Variants in MYMK observed in about 807,000 individuals in gnomAD.
MYMK encodes the protein protein myomaker.
In MYMK, 16 loss-of-function variants were observed where a neutral mutation model predicts 22.4. That is an observed-to-expected ratio of 0.72 (90% confidence interval 0.48 to 1.09). MYMK has a LOEUF of 1.09. Among genes scored for constraint, MYMK ranks in the 50% least tolerant of loss-of-function variants. MYMK has a pLI of 0.00. For synonymous variants in MYMK, 125 were observed against 127.0 expected (o/e 0.98, Z 0.11); for missense variants, 250 against 295.6 (o/e 0.85, Z 1.13).
rs182368513 is a variant in MYMK, at chr9:133,523,262, C to T, written c.135+1448G>A. ...CACGTGTGAGCTCACGGGCCTCACC[C>T]GCTCAGGACTCCCTCTGTGCACTCA... is the stretch of plus-strand genomic sequence containing the variant. On this transcript the variant is annotated intron_variant, in intron 1 of 4. Transcript: ENST00000339996. 3.9e-4 allele frequency among the ~76,000 whole-genome samples: 59 copies of T among 152,372 alleles called. 1 individual carries two copies. The South Asian group carries it at 0.011, about 29-fold the overall frequency.
At position 133,524,921 on chromosome 9, in the gene MYMK, G is replaced by C; in HGVS notation, c.-77C>G. 6.6e-7 allele frequency: 1 copy of C among 1,508,388 alleles called. No individual in the cohort carries two copies. Among genetic ancestry groups the C allele is most frequent in the Non-Finnish European group, 8.9e-7 (1 of 1,125,096 alleles). 93.4% of individuals were successfully genotyped at this position (1,508,388 alleles called of 1,614,324 possible). ...TCCCCAGCACAGGAGCACGAAGTGG[G>C]AAGGCCAGCTCCCTTTGGGCAGGGC... On this transcript the variant is annotated 5_prime_UTR_variant, in exon 1 of 5. Coordinates refer to ENST00000339996, the MANE Select transcript of MYMK (RefSeq NM_001080483.3).
chr9:133,518,160 C>A (rs531057663), intron 3 of MYMK, among the ~76,000 whole-genome samples: 1 of 152,310 alleles, frequency 6.6e-6, no homozygotes, highest in East Asian at 1.9e-4. Context: ...GGAGATGCCC[C>A]GGGTCTATTT....
At chr9:133,517,481 C>T (rs1490760296) in intron 3 of MYMK, among the ~76,000 whole-genome samples, 3 of 152,288 alleles carry the variant, frequency 2.0e-5, no homozygotes, top group East Asian at 1.9e-4. Context: ...GCCGGGCCAA[C>T]GTGGTGAAAC....
chr9:133,514,996 C>T (rs2131066953), intron 4 of MYMK, among the ~76,000 whole-genome samples: 1 of 152,234 alleles, frequency 6.6e-6, no homozygotes, highest in South Asian at 2.1e-4. Context: ...AGGCTGCACT[C>T]CTTCCTTCTT....
rs745469159 is a variant in MYMK, at chr9:133,514,815, C to T, written c.517-30G>A. ...GGGGGGCAAGCGGTCAGTCTGGGGCCTCAGCCCCCTCCCCGAGGCTCCTCC... is the reference window on the plus strand; with the variant it reads ...GGGGGGCAAGCGGTCAGTCTGGGGCTTCAGCCCCCTCCCCGAGGCTCCTCC... On this transcript the variant is annotated intron_variant, in intron 4 of 4. Coordinates refer to ENST00000339996, the MANE Select transcript of MYMK (RefSeq NM_001080483.3). The T allele has an allele frequency of 4.1e-5, 66 of 1,600,778 alleles. No individual in the cohort carries two copies. In the Middle Eastern group the frequency reaches 1.2e-3, roughly 29 times the overall value.
chr9:133,521,531 G>A (rs907946587), intron 1 of MYMK, among the ~76,000 whole-genome samples: 3 of 152,210 alleles, frequency 2.0e-5, no homozygotes, highest in Non-Finnish European at 2.9e-5. Context: ...TAGGGATCCA[G>A]CATCTAAAAT....
chr9:133,514,647 C>A lies in MYMK; in HGVS notation c.655G>T (p.Ala219Ser), dbSNP rs367872967. 1.2e-6 allele frequency: 2 copies of A among 1,613,460 alleles called. No homozygotes were observed. The highest frequency in any genetic ancestry group is 2.2e-5 in the East Asian group (1 of 44,872). The change falls in exon 5 of 5, where the codon GCT (alanine) becomes TCT (serine). Residue 219 changes from alanine (A) to serine (S), a missense_variant. Coordinates refer to ENST00000339996, the MANE Select transcript of MYMK (RefSeq NM_001080483.3). Reference protein sequence around the residue: ...AKLDCSTLCCACV With the variant: ...AKLDCSTLCCSCV ...GGCTGGGCGCAGCATCAGACACAAG[C>A]ACAGCACAGGGTGGAGCAGTCCAGC...
At chr9:133,523,838 C>T (rs988452794) in intron 1 of MYMK, among the ~76,000 whole-genome samples, 2 of 150,864 alleles carry the variant, frequency 1.3e-5, no homozygotes, top group Middle Eastern at 3.4e-3. Context: ...GGATCGAGTT[C>T]CAGAAATCAA....
At chr9:133,518,332 G>A (rs1294173660) in intron 3 of MYMK, among the ~76,000 whole-genome samples, 1 of 152,188 alleles carries the variant, frequency 6.6e-6, no homozygotes, top group African/African-American at 2.4e-5. Context: ...GGCCCAGGCT[G>A]CCTCACTGTC....
intron 1 of MYMK, among the ~76,000 whole-genome samples, chr9:133,524,457 C>A (rs1844737021): frequency 1.3e-5 from 2 of 152,154 alleles, no homozygotes; most frequent in African/African-American, 4.8e-5. Context: ...CCCTGCTTCA[C>A]CCCAGGCTTG....
chr9:133,516,892 G>C lies in MYMK; in HGVS notation c.400-1285C>G, dbSNP rs531154936. 2.8e-4 allele frequency among the ~76,000 whole-genome samples: 43 copies of C among 152,340 alleles called. No homozygotes were observed. In the Middle Eastern group the frequency reaches 0.01, roughly 36 times the overall value. ...CCAACCCCTCCCAAGAGGGGACGAG[G>C]CTCAGGGAGAAAAATCCACCCTCAT... On this transcript the variant is annotated intron_variant, in intron 3 of 4. Transcript: ENST00000339996.
At chr9:133,524,572 G>T in intron 1 of MYMK, 138 bp downstream of exon 1, 1 of 1,310,860 alleles carries the variant, frequency 7.6e-7, no homozygotes, top group South Asian at 1.4e-5. Flanking sequence ...TCAGTCTCCA[G>T]ACCCCACCTG....
At chr9:133,520,143 C>T in intron 2 of MYMK, 31 bp downstream of exon 2, 2 of 1,587,118 alleles carry the variant, frequency 1.3e-6, no homozygotes, top group Non-Finnish European at 1.7e-6. Context: ...TCCTTGTCCG[C>T]AAGGCTTGTC....
chr9:133,517,877 A>G (rs565933318), intron 3 of MYMK, among the ~76,000 whole-genome samples: 1 of 152,226 alleles, frequency 6.6e-6, no homozygotes, highest in Non-Finnish European at 1.5e-5. Context: ...GCCCTCCTGC[A>G]CTGAGAGCTG....
chr9:133,524,715 CGAA>C lies in MYMK; in HGVS notation c.127_129del (p.Phe43del). 1 of 1,614,200 alleles carries C rather than the reference CGAA, an allele frequency of 6.2e-7. No homozygotes were observed. The highest frequency in any genetic ancestry group is 8.5e-7 in the Non-Finnish European group (1 of 1,180,038). ...CTCCCAGCCCCCAGACTCACCGCCA[CGAA>C]GAACAGGGTGAAGAGGTAGACCATG... On this transcript the variant is annotated inframe_deletion, in exon 1 of 5. Coordinates refer to ENST00000339996, the MANE Select transcript of MYMK (RefSeq NM_001080483.3).
chr9:133,519,617 C>T (rs921765497), intron 2 of MYMK, among the ~76,000 whole-genome samples: 2 of 152,184 alleles, frequency 1.3e-5, no homozygotes, highest in African/African-American at 4.8e-5. Context: ...CATAGGATCA[C>T]AGGACAAAGA....
At position 133,515,522 on chromosome 9, in the gene MYMK, G is replaced by A. The variant is rs761023212; in HGVS notation, c.485C>T (p.Ala162Val). ...GAAGAAGCGTAGCATCAGGGCCAGC[G>A]CCCCGAAGCAGAGGCCGGGGCCTAT... Reference protein sequence around the residue: ...QQIGPGLCFGALALMLRFFFE... With the variant: ...QQIGPGLCFGVLALMLRFFFE... The change falls in exon 4 of 5, where the codon GCG (alanine) becomes GTG (valine). Residue 162 changes from alanine (A) to valine (V), a missense_variant. Coordinates refer to ENST00000339996, the MANE Select transcript of MYMK (RefSeq NM_001080483.3). This position sits in a 1 kb window ranked among gnomAD's most constrained non-coding sequence, Gnocchi z 5.8. 34 of 1,613,514 alleles carry A rather than the reference G, an allele frequency of 2.1e-5. No individual in the cohort carries two copies. Among genetic ancestry groups the A allele is most frequent in the Non-Finnish European group, 2.8e-5 (33 of 1,179,558 alleles).
intron 1 of MYMK, 69 bp downstream of exon 1, chr9:133,524,641 G>A: frequency 6.2e-7 from 1 of 1,609,456 alleles, no homozygotes; most frequent in Admixed American, 1.7e-5. Flanking sequence ...GAACGCTGTG[G>A]ACAGAGAGCC....
chr9:133,521,749 G>C (rs1272457927), intron 1 of MYMK, among the ~76,000 whole-genome samples: 1 of 152,218 alleles, frequency 6.6e-6, no homozygotes, highest in Non-Finnish European at 1.5e-5. Flanking sequence ...CTGTGGGAAA[G>C]AGGAGCGAGG....
Sources: allele counts gnomAD v4.1 joint callset (sites outside exome capture counted in the v4.1 genomes callset), GRCh38; gene constraint gnomAD v4.1.1; non-coding constraint Gnocchi (gnomAD v3.1); transcripts MANE v1.5; gene names NCBI Gene and HGNC (gene_info 2026-07-23, HGNC 2026-07-21).